Variants in SLC28A3 observed in about 807,000 individuals in gnomAD.
SLC28A3 encodes the protein concentrative Na(+)-nucleoside cotransporter 3.
Under a neutral mutation model 84.2 loss-of-function variants are expected in SLC28A3, and 68 were observed. That is an observed-to-expected ratio of 0.81 (90% CI 0.66 to 0.99). The LOEUF is 0.99. Ranked by LOEUF, SLC28A3 falls within the 50% of genes least tolerant of loss-of-function variation. SLC28A3 has a pLI of 0.00. For synonymous variants in SLC28A3, 267 were observed against 303.6 expected, an observed-to-expected ratio of 0.88 and a Z score of 1.25; for missense variants, 712 against 841.5, an observed-to-expected ratio of 0.85 and a Z score of 1.90.
chr9:84,300,428 T>C lies in SLC28A3; in HGVS notation c.525-703A>G, dbSNP rs371325236. On this transcript the variant is annotated intron_variant, in intron 5 of 17. Coordinates refer to ENST00000376238, the MANE Select transcript of SLC28A3 (RefSeq NM_001199633.2). ...AGAACTTGGAATATGTTATCTGCCCTTGGGGGACCTCACCAGCGGCCGAGA... is the reference window on the plus strand; with the variant it reads ...AGAACTTGGAATATGTTATCTGCCCCTGGGGGACCTCACCAGCGGCCGAGA... Among the ~76,000 whole-genome samples the C allele has an allele frequency of 2.1e-4, 32 of 152,322 alleles. No homozygotes were observed. The East Asian group carries it at 6.0e-3, about 28-fold the overall frequency.
intron 16 of SLC28A3, among the ~76,000 whole-genome samples, chr9:84,279,702 G>A (rs998451787): frequency 6.6e-6 from 1 of 152,222 alleles, no homozygotes; most frequent in Admixed American, 6.5e-5. Context: ...TGACCCGCCC[G>A]CCTTGGCCTC....
chr9:84,278,492 T>C (rs536384433), intron 17 of SLC28A3, 148 bp from the exon 18 acceptor site: 3 of 1,006,424 alleles, frequency 3.0e-6, no homozygotes, highest in South Asian at 4.0e-5. Flanking sequence ...ACAGAGACAC[T>C]GGGGAATTTG....
Position 84,278,324 on chromosome 9 carries a change from C to A in SLC28A3, c.1970G>T (p.Gly657Val). The A allele has an allele frequency of 6.2e-7, 1 of 1,614,078 alleles. No individual in the cohort carries two copies. Among genetic ancestry groups the A allele is most frequent in the Non-Finnish European group, 8.5e-7 (1 of 1,179,996 alleles). Residue 657 changes from glycine to valine, a missense_variant, in exon 18 of 18, where the codon GGT becomes GTT. Gly to Val is a moderately radical substitution (Grantham distance 109). Coordinates refer to ENST00000376238, the MANE Select transcript of SLC28A3 (RefSeq NM_001199633.2). ...LLSSTVAKGP[G>V]EVIPGGNHSL... Reference sequence around the variant, plus strand: ...GTGGTTTCCTCCTGGGATGACTTCACCAGGACCCTTGGCAACAGTGCTGGT... The same window carrying A: ...GTGGTTTCCTCCTGGGATGACTTCAACAGGACCCTTGGCAACAGTGCTGGT...
Position 84,313,472 on chromosome 9 carries a change from A to T in SLC28A3, c.61-18T>A. 1 of 1,604,532 alleles carries T rather than the reference A, an allele frequency of 6.2e-7. No individual in the cohort carries two copies. Among genetic ancestry groups the T allele is most frequent in the Non-Finnish European group, 8.5e-7 (1 of 1,173,150 alleles). The stretch of plus-strand genomic sequence containing the variant: ...TCTTCATTCTAAGAAAAAAGTGCAG[A>T]TTGAAAAAATAAAAAGTTACAGCCA... On this transcript the variant is annotated intron_variant, in intron 1 of 17. Transcript: ENST00000376238.
At chr9:84,306,362 TC>T (rs1449069787) in intron 3 of SLC28A3, among the ~76,000 whole-genome samples, 1 of 152,028 alleles carries the variant, frequency 6.6e-6, no homozygotes, top group African/African-American at 2.4e-5. Flanking sequence ...TCCAACAGTC[TC>T]GCCTGCACCT....
chr9:84,313,038 CTT>C (rs1286859402), intron 2 of SLC28A3, among the ~76,000 whole-genome samples: 1 of 152,192 alleles, frequency 6.6e-6, no homozygotes, highest in African/African-American at 2.4e-5. Context: ...GAGGGTTCCT[CTT>C]GTTTCTGTCA....
Position 84,288,097 on chromosome 9 carries a change from T to C in SLC28A3, c.1231A>G (p.Thr411Ala), listed in dbSNP as rs748222496. The C allele has an allele frequency of 6.2e-7, 1 of 1,613,984 alleles. No individual in the cohort carries two copies. Among genetic ancestry groups the C allele is most frequent in the African/African-American group, 1.3e-5 (1 of 74,902 alleles). Residue 411 changes from threonine to alanine, a missense_variant, in exon 12 of 18, where the codon ACA becomes GCA. Physicochemically the swap from Thr to Ala is moderately conservative, Grantham distance 58 (BLOSUM62 0). Coordinates refer to ENST00000376238, the MANE Select transcript of SLC28A3 (RefSeq NM_001199633.2). ...LAAAKLFWPE[T>A]EKPKITLKNA... ...TTGAGGGTTATTTTAGGTTTTTCTGTCTCAGGCCAAAAGAGTTTAGCAGCA... is the reference window on the plus strand; with the variant it reads ...TTGAGGGTTATTTTAGGTTTTTCTGCCTCAGGCCAAAAGAGTTTAGCAGCA...
intron 3 of SLC28A3, among the ~76,000 whole-genome samples, chr9:84,307,419 A>AGTC (rs1266345087): frequency 1.4e-5 from 2 of 139,646 alleles, no homozygotes; most frequent in Non-Finnish European, 3.0e-5. Flanking sequence ...AGACAGAGCG[A>AGTC]GACTCCATCT....
At chr9:84,288,006 C>T (rs201665071) in intron 12 of SLC28A3, 42 bp downstream of exon 12, 101 of 1,611,622 alleles carry the variant, frequency 6.3e-5, no homozygotes, top group East Asian at 2.5e-4. Context: ...TCCCCCGCCC[C>T]GGCTTGGGTA....
At chr9:84,302,457 T>G in intron 4 of SLC28A3, 68 bp from the exon 5 acceptor site, 9 of 1,521,262 alleles carry the variant, frequency 5.9e-6, no homozygotes, top group Non-Finnish European at 7.2e-6. Flanking sequence ...GGCTCCAGCC[T>G]TGTTCTGGCG....
chr9:84,329,118 A>G (rs1487142067), intron 1 of SLC28A3, among the ~76,000 whole-genome samples: 1 of 152,204 alleles, frequency 6.6e-6, no homozygotes, highest in Non-Finnish European at 1.5e-5. Context: ...TAAGACAACA[A>G]TTGTTACTAG....
chr9:84,362,678 TAAATA>T, the SLC28A3 span, among the ~76,000 whole-genome samples: 1 of 151,388 alleles, frequency 6.6e-6, no homozygotes, highest in Non-Finnish European at 1.5e-5. Context: ...AATAAATAAA[TAAATA>T]AATTTAGGAC....
intron 1 of SLC28A3, among the ~76,000 whole-genome samples, chr9:84,329,181 TTAACATATATG>T (rs1272350919): frequency 4.6e-5 from 7 of 152,152 alleles, no homozygotes; most frequent in Non-Finnish European, 7.4e-5. Flanking sequence ...AGAGCTATTG[TTAACATATATG>T]TATATAATAA....
At chr9:84,330,172 A>C (rs551564741) in intron 1 of SLC28A3, among the ~76,000 whole-genome samples, 2 of 152,114 alleles carry the variant, frequency 1.3e-5, no homozygotes, top group Non-Finnish European at 2.9e-5. Flanking sequence ...GGAAAAAAAA[A>C]GCTCAAAAAA....
Position 84,275,935 on chromosome 9 carries a change from A to ATATT in SLC28A3, c.*2279_*2282dup, listed in dbSNP as rs1824513258. On this transcript the variant is annotated 3_prime_UTR_variant, in exon 18 of 18. Transcript: ENST00000376238. ...CAAAGCAGGTAAAAATTAAGACAAC[A>ATATT]TATTTCTCCAAAAACCAGTCTGACA... is the stretch of plus-strand genomic sequence containing the variant. 1 of 152,224 alleles carries ATATT rather than the reference A, an allele frequency of 6.6e-6. No homozygotes were observed. Among genetic ancestry groups the ATATT allele is most frequent in the South Asian group, 2.1e-4 (1 of 4,834 alleles). The allele number at this position is 152,224 out of a possible 1,614,324, so 9.4% of individuals were successfully genotyped here.
chr9:84,323,658 C>T (rs990073403), intron 1 of SLC28A3, among the ~76,000 whole-genome samples: 2 of 151,972 alleles, frequency 1.3e-5, no homozygotes, highest in Non-Finnish European at 2.9e-5. Flanking sequence ...TTCCTAACCT[C>T]GTGATCCGAC....
Position 84,297,219 on chromosome 9 carries a change from A to T in SLC28A3, c.861+2T>A. On this transcript the variant is annotated splice_donor_variant, in intron 8 of 17. Coordinates refer to ENST00000376238, the MANE Select transcript of SLC28A3 (RefSeq NM_001199633.2). LOFTEE classifies it high-confidence loss of function. Reference sequence around the variant, plus strand: ...CTACATAGAAAAAAGGTTTGACTTTACCTTAAATGCAAAGAAGTGGTCTTT... The same window carrying T: ...CTACATAGAAAAAAGGTTTGACTTTTCCTTAAATGCAAAGAAGTGGTCTTT... 1 of 1,611,204 alleles carries T rather than the reference A, an allele frequency of 6.2e-7. No individual in the cohort carries two copies. The highest frequency in any genetic ancestry group is 8.5e-7 in the Non-Finnish European group (1 of 1,178,802).
chr9:84,288,774 C>A (rs1264370326), intron 11 of SLC28A3, among the ~76,000 whole-genome samples: 1 of 151,996 alleles, frequency 6.6e-6, no homozygotes, highest in African/African-American at 2.4e-5. Context: ...CTTGAACTCC[C>A]AACCTCAGGT....
At chr9:84,353,052 CATT>C in the SLC28A3 span, among the ~76,000 whole-genome samples, 1 of 151,908 alleles carries the variant, frequency 6.6e-6, no homozygotes, top group Non-Finnish European at 1.5e-5. Context: ...TGAGATTTGT[CATT>C]ATCAGGTCAA....
Sources: allele counts gnomAD v4.1 joint callset (sites outside exome capture counted in the v4.1 genomes callset), GRCh38; gene constraint gnomAD v4.1.1; transcripts MANE v1.5; gene names NCBI Gene and HGNC (gene_info 2026-07-23, HGNC 2026-07-21).